The following DGKB variants were observed in gnomAD, a reference collection of about 807,000 sequenced individuals.
DGKB encodes 90 kDa diacylglycerol kinase.
A neutral mutation model predicts 114.3 loss-of-function variants in DGKB; 67 were observed. That is an observed-to-expected ratio of 0.59 (90% CI 0.48 to 0.72). The LOEUF is 0.72. Among genes scored for constraint, DGKB ranks in the 30% least tolerant of loss-of-function variants. DGKB has a pLI of 0.00. For synonymous variants in DGKB, 398 were observed against 323.1 expected (o/e 1.23, Z -2.49); for missense variants, 907 against 975.2 (o/e 0.93, Z 0.93).
At chr7:14,550,786 T>C (rs1267179929) in intron 20 of DGKB, among the ~76,000 whole-genome samples, 1 of 152,050 alleles carries the variant, frequency 6.6e-6, no homozygotes, top group Non-Finnish European at 1.5e-5. Flanking sequence ...AAACCAAATA[T>C]AAATCAAACT....
At chr7:14,755,656 T>C (rs938244183) in intron 3 of DGKB, among the ~76,000 whole-genome samples, 9 of 152,096 alleles carry the variant, frequency 5.9e-5, no homozygotes, top group Non-Finnish European at 1.3e-4. Flanking sequence ...ATAAATTGGA[T>C]GAGGTCATGT....
intron 20 of DGKB, 120 bp from the exon 21 acceptor site, chr7:14,478,345 CA>C: frequency 1.6e-6 from 1 of 619,462 alleles, no homozygotes; most frequent in African/African-American, 1.9e-5. Context: ...ATATTATTGC[CA>C]AGAAGGTTAT....
intron 4 of DGKB, among the ~76,000 whole-genome samples, chr7:14,737,607 A>G (rs1237610606): frequency 1.3e-5 from 2 of 152,128 alleles, no homozygotes; most frequent in African/African-American, 4.8e-5. Context: ...TACCTAATAG[A>G]ATCTCAGGCA....
intron 1 of DGKB, among the ~76,000 whole-genome samples, chr7:14,885,361 A>T (rs1305407658): frequency 6.6e-6 from 1 of 152,010 alleles, no homozygotes; most frequent in East Asian, 1.9e-4. Flanking sequence ...ATCAAAATAC[A>T]TACAAAGGTG....
intron 25 of DGKB, among the ~76,000 whole-genome samples, chr7:14,166,599 TCTATCTCTCCCACTGAATGCA>T (rs1404874963): frequency 6.4e-4 from 98 of 152,272 alleles, no homozygotes; most frequent in Non-Finnish European, 1.3e-4. Flanking sequence ...CACTCTTCAC[TCTATCTCTCCCACTGAATGCA>T]CTATAAACCC....
rs776484454 is a variant in DGKB at position 14,149,081 on chromosome 7, C to T, written c.*50G>A. The T allele has an allele frequency of 1.5e-5, 23 of 1,484,116 alleles. No individual in the cohort carries two copies. The highest frequency in any genetic ancestry group is 2.2e-5 in the Non-Finnish European group (23 of 1,062,470). 91.9% of individuals were successfully genotyped at this position (1,484,116 alleles called of 1,614,324 possible). A position where few individuals can be genotyped will look rare whatever the true frequency, so the allele number is the denominator to read the frequency against. On this transcript the variant is annotated 3_prime_UTR_variant, in exon 26 of 26. Transcript: ENST00000402815. ...TTCAAAGATTTCCAGCATATGTGTT[C>T]CATGGCCCAATTATGCTAATTCAAT...
chr7:14,943,872 T>C (rs1394643856), intron 1 of DGKB, among the ~76,000 whole-genome samples: 1 of 151,934 alleles, frequency 6.6e-6, no homozygotes, highest in African/African-American at 2.4e-5. Context: ...ACTCCTTACC[T>C]GGTCCCCACA....
intron 6 of DGKB, among the ~76,000 whole-genome samples, chr7:14,704,920 C>G (rs956866656): frequency 1.3e-5 from 2 of 152,166 alleles, no homozygotes; most frequent in Non-Finnish European, 2.9e-5. Flanking sequence ...GCCTCTCCTC[C>G]TCCAAAGGAA....
At chr7:14,470,987 A>T (rs1541873) in intron 21 of DGKB, among the ~76,000 whole-genome samples, 52,849 of 150,872 alleles carry the variant, frequency 0.35, 9,870 homozygotes, top group Admixed American at 0.47. Context: ...CTGAAATATT[A>T]TATTTTTAAC....
intron 23 of DGKB, among the ~76,000 whole-genome samples, chr7:14,193,253 G>T (rs1259885811): frequency 6.7e-6 from 1 of 149,722 alleles, no homozygotes; most frequent in Non-Finnish European, 1.5e-5. Flanking sequence ...TGAGCAAAAA[G>T]AACAAAGTGG....
chr7:14,186,367 G>A (rs768602288), intron 23 of DGKB, among the ~76,000 whole-genome samples: 21 of 152,094 alleles, frequency 1.4e-4, no homozygotes, highest in Non-Finnish European at 2.8e-4. Flanking sequence ...TCAAAAAACA[G>A]TAGATGTTGG....
At chr7:14,973,589 C>T (rs1787621600) in intron 1 of DGKB, among the ~76,000 whole-genome samples, 1 of 146,870 alleles carries the variant, frequency 6.8e-6, no homozygotes, top group South Asian at 2.1e-4. Context: ...CAGAACAACA[C>T]ACCCTTCACC....
At chr7:14,311,489 A>G (rs1337381516) in intron 23 of DGKB, among the ~76,000 whole-genome samples, 2 of 151,916 alleles carry the variant, frequency 1.3e-5, no homozygotes, top group Admixed American at 6.6e-5. Context: ...TGACATGTTC[A>G]TGGCCCACTG....
intron 23 of DGKB, among the ~76,000 whole-genome samples, chr7:14,267,218 G>A (rs373756523): frequency 1.3e-5 from 2 of 152,054 alleles, no homozygotes; most frequent in African/African-American, 4.8e-5. Context: ...GGAGAGTGGC[G>A]GCCTCCACCT....
chr7:14,440,683 A>G (rs551987939), intron 21 of DGKB, among the ~76,000 whole-genome samples: 14 of 152,302 alleles, frequency 9.2e-5, no homozygotes, highest in Admixed American at 2.0e-4. Flanking sequence ...TAAATTTTAT[A>G]TAAGTAATGC....
intron 16 of DGKB, 40 bp downstream of exon 16, chr7:14,613,297 ACAT>A (rs1223256225): frequency 3.4e-6 from 4 of 1,161,996 alleles, no homozygotes; most frequent in Non-Finnish European, 4.9e-6. Flanking sequence ...CTATTTTTTT[ACAT>A]ATACATGACA....
chr7:14,802,799 A>G (rs887787310), intron 2 of DGKB, among the ~76,000 whole-genome samples: 3 of 152,136 alleles, frequency 2.0e-5, no homozygotes, highest in African/African-American at 7.2e-5. Context: ...GAAAATAGCT[A>G]CATTCCTGAA....
chr7:14,747,775 G>GCGCGCGTGCGCGCGCACACACACACA, intron 4 of DGKB, among the ~76,000 whole-genome samples: 47 of 149,278 alleles, frequency 3.1e-4, no homozygotes, highest in African/African-American at 1.1e-3. Context: ...ACATCCACGC[G>GCGCGCGTGCGCGCGCACACACACACA]CACGCACACA....
intron 10 of DGKB, 80 bp from the exon 11 acceptor site, chr7:14,682,921 G>A (rs1821081463): frequency 1.0e-6 from 1 of 968,450 alleles, no homozygotes; most frequent in African/African-American, 1.6e-5. Flanking sequence ...GACATTAACA[G>A]AACCTCATTT....
Sources: allele counts gnomAD v4.1 joint callset (sites outside exome capture counted in the v4.1 genomes callset), GRCh38; gene constraint gnomAD v4.1.1; transcripts MANE v1.5; gene names NCBI Gene and HGNC (gene_info 2026-07-23, HGNC 2026-07-21).